Variants in PLD3 observed in about 807,000 individuals in gnomAD.
The protein encoded by PLD3 is phospholipase D family member 3, also known as 5'-3' exonuclease PLD3.
In PLD3, 31 loss-of-function variants were observed where a neutral mutation model predicts 58.4. That is an observed-to-expected ratio of 0.53 (90% CI 0.40 to 0.72). The LOEUF (loss-of-function observed/expected upper bound fraction) is 0.72. Ranked by LOEUF, PLD3 falls within the 30% of genes least tolerant of loss-of-function variation. PLD3 has a pLI of 0.00. For missense variants in PLD3, 595 were observed against 659.8 expected, an observed-to-expected ratio of 0.90 and a Z score of 1.08; for synonymous variants, 264 against 273.4, an observed-to-expected ratio of 0.97 and a Z score of 0.34.
chr19:40,363,588 G>C (rs759644777), intron 1 of PLD3, among the ~76,000 whole-genome samples: 1 of 152,192 alleles, frequency 6.6e-6, no homozygotes, highest in Non-Finnish European at 1.5e-5. Context: ...CCGCCACCAC[G>C]CCCAGCTAAT....
intron 1 of PLD3, among the ~76,000 whole-genome samples, chr19:40,349,103 C>T (rs999425874): frequency 2.6e-5 from 4 of 152,078 alleles, no homozygotes; most frequent in African/African-American, 9.7e-5. Flanking sequence ...GTCGTAATCG[C>T]TCCCTTTAAA....
chr19:40,378,130 A>C lies in PLD3; in HGVS notation c.1430A>C (p.Asp477Ala). 6.2e-7 allele frequency: 1 copy of C among 1,613,562 alleles called. No individual in the cohort carries two copies. The change falls in exon 13 of 13, where the codon GAC becomes GCC. Residue 477 changes from aspartate to alanine, a missense_variant. Transcript: ENST00000409735. ...DWDSPYSHDL[D>A]TSADSVGNAC... is the part of the protein sequence containing the mutation. ...GACTCCCCTTACAGCCATGACCTTG[A>C]CACCTCAGCTGACAGCGTGGGCAAC...
chr19:40,372,786 G>A (rs752688641), intron 9 of PLD3, among the ~76,000 whole-genome samples: 5 of 151,768 alleles, frequency 3.3e-5, no homozygotes, highest in Non-Finnish European at 5.9e-5. Context: ...AAGACAGGGG[G>A]ATCACTTGAG....
At chr19:40,350,087 C>T (rs1382360009) in intron 1 of PLD3, among the ~76,000 whole-genome samples, 1 of 151,232 alleles carries the variant, frequency 6.6e-6, no homozygotes, top group South Asian at 2.1e-4. Flanking sequence ...ATGGAGAAAC[C>T]CCATCTCTAT....
chr19:40,369,861 G>T (rs201676060), intron 6 of PLD3, 47 bp from the exon 7 acceptor site: 2 of 1,505,304 alleles, frequency 1.3e-6, no homozygotes, highest in Non-Finnish European at 1.8e-6. Flanking sequence ...TTGTGGGGTT[G>T]GAGAGCTGGC....
At chr19:40,350,478 C>T (rs1265432657) in intron 1 of PLD3, among the ~76,000 whole-genome samples, 1 of 152,100 alleles carries the variant, frequency 6.6e-6, no homozygotes, top group Non-Finnish European at 1.5e-5. Flanking sequence ...GGCGCAATGG[C>T]TCACACCTGT....
intron 1 of PLD3, among the ~76,000 whole-genome samples, chr19:40,350,497 C>T (rs1400199637): frequency 1.3e-5 from 2 of 152,012 alleles, no homozygotes; most frequent in Non-Finnish European, 2.9e-5. Flanking sequence ...GTAATCCAAG[C>T]ACTTTGGGAG....
In PLD3 at chr19:40,369,987, G is replaced by A. The variant is rs1441088561; in HGVS notation, c.509G>A (p.Gly170Glu). Residue 170 changes from glycine to glutamate, a missense_variant, in exon 7 of 13, where the codon GGG (glycine) becomes GAG (glutamate). Transcript: ENST00000409735. ...CGCATCGCTGTGAGCAAGCCCAGCG[G>A]GCCCCAGCCACAGGCGGACCTGCAG... ...NVRIAVSKPS[G>E]PQPQADLQAL... 6.4e-6 allele frequency: 10 copies of A among 1,560,236 alleles called. No individual in the cohort carries two copies. Among genetic ancestry groups the A allele is most frequent in the Non-Finnish European group, 8.7e-6 (10 of 1,153,060 alleles).
intron 1 of PLD3, among the ~76,000 whole-genome samples, chr19:40,353,622 A>G (rs1297589383): frequency 6.6e-6 from 1 of 151,844 alleles, no homozygotes; most frequent in Non-Finnish European, 1.5e-5. Flanking sequence ...TCTGTCACCC[A>G]GGCTGGAGTG....
intron 6 of PLD3, 63 bp from the exon 7 acceptor site, chr19:40,369,845 A>T (rs1568671141): frequency 6.8e-7 from 1 of 1,464,304 alleles, no homozygotes; most frequent in East Asian, 2.5e-5. Flanking sequence ...TCCACCGGGC[A>T]TTACCTTGTG....
intron 8 of PLD3, among the ~76,000 whole-genome samples, chr19:40,371,179 C>A (rs1171577929): frequency 6.6e-6 from 1 of 152,204 alleles, no homozygotes; most frequent in Non-Finnish European, 1.5e-5. Flanking sequence ...AATTCATTTC[C>A]TCAACAGATA....
intron 1 of PLD3, among the ~76,000 whole-genome samples, chr19:40,365,043 C>T (rs1048663879): frequency 2.6e-5 from 4 of 152,202 alleles, no homozygotes; most frequent in African/African-American, 7.2e-5. Flanking sequence ...CCCTTGAAGA[C>T]AACCACTTCT....
chr19:40,367,475 A>G lies in PLD3; in HGVS notation c.246-221A>G, dbSNP rs1300094641. On this transcript the variant is annotated intron_variant, in intron 5 of 12. Transcript: ENST00000409735. ...GCACACCTGTAGTCCCAGCTACTCA[A>G]GAGGTTGAGGCGGGAGGATCGCTTG... 7.7e-5 allele frequency: 37 copies of G among 478,264 alleles called. No individual in the cohort carries two copies. In the East Asian group the frequency reaches 1.1e-3, roughly 14 times the overall value. 29.6% of individuals were successfully genotyped at this position (478,264 alleles called of 1,614,324 possible).
chr19:40,378,309 A>C lies in PLD3; in HGVS notation c.*136A>C. On this transcript the variant is annotated 3_prime_UTR_variant, in exon 13 of 13. Transcript: ENST00000409735. ...CTCAGGCTCTCTCCCCTGCTCTCCC[A>C]CCTCTACCTCCACCCCCACCGGCCT... 2 of 816,484 alleles carry C rather than the reference A, an allele frequency of 2.4e-6. No individual in the cohort carries two copies. Among genetic ancestry groups the C allele is most frequent in the South Asian group, 2.8e-5 (2 of 72,332 alleles). The allele number at this position is 816,484 out of a possible 1,614,324, so 50.6% of individuals were successfully genotyped here.
intron 1 of PLD3, among the ~76,000 whole-genome samples, chr19:40,361,220 C>T (rs906800822): frequency 6.6e-6 from 1 of 152,166 alleles, no homozygotes; most frequent in Non-Finnish European, 1.5e-5. Flanking sequence ...AAGCGATTCT[C>T]CTGCCTCAGC....
intron 1 of PLD3, among the ~76,000 whole-genome samples, chr19:40,353,035 C>T (rs773086015): frequency 6.6e-6 from 1 of 152,222 alleles, no homozygotes; most frequent in Non-Finnish European, 1.5e-5. Flanking sequence ...TGCAGGCTCA[C>T]GCCTCCCTCA....
Position 40,369,900 on chromosome 19 carries a change from CCCCGCAGGGTGAGGAGGTCCT to C in PLD3, c.430-5_445del, listed in dbSNP as rs751314541. 1 of 1,550,854 alleles carries C rather than the reference CCCCGCAGGGTGAGGAGGTCCT, an allele frequency of 6.4e-7. No homozygotes were observed. The highest frequency in any genetic ancestry group is 2.0e-5 in the Admixed American group (1 of 50,868). On this transcript the variant is annotated splice_acceptor_variant and splice_polypyrimidine_tract_variant and coding_sequence_variant and intron_variant, in exon 7 of 13. Transcript: ENST00000409735. LOFTEE classifies it high-confidence loss of function. ...TCCAGCCCCTCAGAAGCTCTCCCCTCCCCGCAGGGTGAGGAGGTCCTCCGGCAGCTGCAGACCCTGGCACCA... is the reference window on the plus strand; with the variant it reads ...TCCAGCCCCTCAGAAGCTCTCCCCTCCCGGCAGCTGCAGACCCTGGCACCA...
Position 40,376,743 on chromosome 19 carries a change from G to A in PLD3, c.1154G>A (p.Arg385His), listed in dbSNP as rs145892029. 2.5e-5 allele frequency: 40 copies of A among 1,600,830 alleles called. No individual in the cohort carries two copies. In the African/African-American group the frequency reaches 2.7e-4, roughly 11 times the overall value. The change falls in exon 11 of 13, where the codon CGT becomes CAT. Residue 385 changes from arginine (R) to histidine (H), a missense_variant. Transcript: ENST00000409735. ...RAFLLSLAAL[R>H]DNHTHSDIQV... ...TTCCTGCTCTCTCTGGCTGCCCTGCGTGACAACCATACCCACTCTGACATC... is the reference window on the plus strand; with the variant it reads ...TTCCTGCTCTCTCTGGCTGCCCTGCATGACAACCATACCCACTCTGACATC...
At chr19:40,355,532 G>A (rs1028551560) in intron 1 of PLD3, among the ~76,000 whole-genome samples, 6 of 149,226 alleles carry the variant, frequency 4.0e-5, no homozygotes, top group East Asian at 4.0e-4. Context: ...GGCTGGTCTC[G>A]AACTGCCAAC....
Sources: gnomAD v4.1 joint callset for allele counts (sites outside exome capture counted in the v4.1 genomes callset) on GRCh38, gnomAD v4.1.1 for gene constraint, MANE v1.5 for transcripts, NCBI Gene and HGNC (gene_info 2026-07-23, HGNC 2026-07-21) for gene names.